Variants in NAA38 observed in about 807,000 individuals in gnomAD.
NAA38 encodes LSM domain containing 1.
Under a neutral mutation model 12.6 loss-of-function variants are expected in NAA38, and 15 were observed. The observed-to-expected ratio is 1.19, with a 90% CI of 0.79 to 1.83. NAA38 has a LOEUF of 1.83. Among genes scored for constraint, NAA38 ranks in the 40% most tolerant of loss-of-function variants. The pLI, the probability that NAA38 is intolerant of heterozygous loss-of-function variation, is 0.00. For missense variants in NAA38, 183 were observed against 171.7 expected (o/e 1.07, Z -0.37); for synonymous variants, 88 against 69.9 (o/e 1.26, Z -1.29).
In NAA38 at chr17:7,876,616, CCCAA is replaced by C. The variant is rs962607790; in HGVS notation, c.-66+6615_-66+6618del. 7.2e-5 allele frequency among the ~76,000 whole-genome samples: 11 copies of C among 152,132 alleles called. 1 individual carries two copies. Among genetic ancestry groups the C allele is most frequent in the Admixed American group, 3.9e-4 (6 of 15,260 alleles). On this transcript the variant is annotated intron_variant, in intron 2 of 4. Transcript: ENST00000576861. ...AAAGTTATTTACTTGCTTCCCCCCT[CCCAA>C]CCAAGAAAGAGCTTTCTTCTCTGAA... is the stretch of plus-strand genomic sequence containing the variant.
intron 2 of NAA38, among the ~76,000 whole-genome samples, chr17:7,868,442 AAGG>A (rs1967027969): frequency 6.6e-6 from 1 of 152,224 alleles, no homozygotes; most frequent in Admixed American, 6.5e-5. Flanking sequence ...TAACTGCAGA[AAGG>A]AGGAGTGTTC....
chr17:7,859,798 G>A (rs2078869571), upstream of NAA38: 1 of 589,876 alleles, frequency 1.7e-6, no homozygotes, highest in Non-Finnish European at 3.0e-6. Flanking sequence ...TTTGCTCTGA[G>A]AAAATTAGTG....
chr17:7,857,961 G>GC (rs1254864518), upstream of NAA38: 35 of 1,463,384 alleles, frequency 2.4e-5, no homozygotes, highest in African/African-American at 2.8e-5. Context: ...TCCAAACCCC[G>GC]CCCCTGATAT....
chr17:7,880,348 G>A (rs1026264051), intron 2 of NAA38, among the ~76,000 whole-genome samples: 21 of 147,940 alleles, frequency 1.4e-4, no homozygotes, highest in African/African-American at 4.8e-4. Context: ...GGCTGAAACA[G>A]TTAAACTCAG....
At chr17:7,866,430 C>T (rs934622800) in intron 3 of NAA38, 19 of 1,215,590 alleles carry the variant, frequency 1.6e-5, no homozygotes, top group Admixed American at 4.2e-5. Flanking sequence ...TTTTAAAGTT[C>T]CCATGTTAAA....
upstream of NAA38, chr17:7,861,416 G>A (rs1178909272): frequency 1.3e-5 from 2 of 151,720 alleles, no homozygotes; most frequent in Non-Finnish European, 3.0e-5. Context: ...TATCTAAATC[G>A]ATCATTTTGA....
At chr17:7,884,370 T>C (rs1409385593) in intron 1 of NAA38, among the ~76,000 whole-genome samples, 1 of 148,596 alleles carries the variant, frequency 6.7e-6, no homozygotes, top group Non-Finnish European at 1.5e-5. Context: ...CTCTGAGAAA[T>C]ATTTCTGAGC....
chr17:7,873,981 A>G (rs900634887), intron 2 of NAA38, among the ~76,000 whole-genome samples: 1 of 152,226 alleles, frequency 6.6e-6, no homozygotes, highest in African/African-American at 2.4e-5. Flanking sequence ...CTGAATGGTC[A>G]TGGTGTTTTC....
chr17:7,857,971 T>A, upstream of NAA38: 1 of 1,479,162 alleles, frequency 6.8e-7, no homozygotes, highest in South Asian at 1.3e-5. Context: ...GCCCCTGATA[T>A]TTATCTCAGT....
At chr17:7,869,378 T>C (rs1170924395) in intron 2 of NAA38, among the ~76,000 whole-genome samples, 1 of 152,148 alleles carries the variant, frequency 6.6e-6, no homozygotes, top group Non-Finnish European at 1.5e-5. Context: ...TATTATTGAC[T>C]CTGGGATACA....
In NAA38 at chr17:7,857,399, C is replaced by A; in HGVS notation, c.65G>T (p.Ser22Ile). The A allele has an allele frequency of 6.2e-7, 1 of 1,604,798 alleles. No individual in the cohort carries two copies. Among genetic ancestry groups the A allele is most frequent in the Non-Finnish European group, 8.5e-7 (1 of 1,176,968 alleles). Residue 22 changes from serine to isoleucine, a missense_variant, in exon 1 of 3, where the codon AGC (serine) becomes ATC (isoleucine). Ser to Ile is a moderately radical substitution (Grantham distance 142). Coordinates refer to ENST00000575771, the MANE Select transcript of NAA38 (RefSeq NM_001320925.4). ...EENGCCSRRQ[S>I]SSSAGDSDGE... The stretch of plus-strand genomic sequence containing the variant: ...CGTGCTAACCCCAGCACTGGAGCTG[C>A]TCTGACGCCGACTGCAACAGCCATT...
upstream of NAA38, chr17:7,857,774 C>G: frequency 7.9e-7 from 1 of 1,271,578 alleles, no homozygotes; most frequent in African/African-American, 1.5e-5. Context: ...CCTTGTTTTT[C>G]TGTCTCAGAG....
At chr17:7,859,363 G>A (rs2078865179), upstream of NAA38, 1 of 1,603,272 alleles carries the variant, frequency 6.2e-7, no homozygotes, top group Non-Finnish European at 8.5e-7. Flanking sequence ...TGGGGGTGGG[G>A]TGCTTCTGTG....
intron 2 of NAA38, among the ~76,000 whole-genome samples, chr17:7,880,736 G>A (rs867276768): frequency 1.7e-4 from 26 of 152,208 alleles, no homozygotes; most frequent in Middle Eastern, 3.4e-3. Flanking sequence ...TAGTACTACC[G>A]GTGCTTTCAT....
intron 2 of NAA38, among the ~76,000 whole-genome samples, chr17:7,871,808 T>C (rs1967090961): frequency 6.6e-6 from 1 of 152,152 alleles, no homozygotes; most frequent in South Asian, 2.1e-4. Flanking sequence ...GCACGCACCA[T>C]GATGCCTGGC....
At chr17:7,858,783 C>G (rs766937014), upstream of NAA38, 9 of 1,579,392 alleles carry the variant, frequency 5.7e-6, no homozygotes, top group South Asian at 9.3e-5. Flanking sequence ...CCGGAGCATC[C>G]GCATCATTAA....
At chr17:7,859,378 C>A, upstream of NAA38, 1 of 1,613,194 alleles carries the variant, frequency 6.2e-7, no homozygotes, top group Non-Finnish European at 8.5e-7. Context: ...TCTGTGTTCT[C>A]CAGGTGGGGG....
chr17:7,858,390 T>C (rs1213316013), upstream of NAA38: 2 of 1,613,994 alleles, frequency 1.2e-6, no homozygotes, highest in Non-Finnish European at 1.7e-6. Context: ...GTGGCTGTGC[T>C]GCTCTTTTCA....
intron 2 of NAA38, among the ~76,000 whole-genome samples, chr17:7,871,974 C>G (rs1327833938): frequency 1.3e-5 from 2 of 152,102 alleles, no homozygotes; most frequent in Non-Finnish European, 2.9e-5. Context: ...TCTTGTCACT[C>G]TGGAAACCCT....
Sources: allele counts gnomAD v4.1 joint callset (sites outside exome capture counted in the v4.1 genomes callset), GRCh38; gene constraint gnomAD v4.1.1; transcripts MANE v1.5; gene names NCBI Gene and HGNC (gene_info 2026-07-23, HGNC 2026-07-21).